The following CCSER1 variants were observed in gnomAD, a reference collection of about 807,000 sequenced individuals.
The protein encoded by CCSER1 is serine-rich coiled-coil domain-containing protein 1.
CCSER1 carries 41 observed loss-of-function variants against 82.0 expected under a neutral mutation model. The observed-to-expected ratio is 0.50, with a 90% CI of 0.39 to 0.65. The LOEUF is 0.65. Ranked by LOEUF, CCSER1 falls within the 30% of genes least tolerant of loss-of-function variation. The pLI, the probability that CCSER1 is intolerant of heterozygous loss-of-function variation, is 0.00. For synonymous variants in CCSER1, 414 were observed against 383.9 expected (o/e 1.08, Z -0.92); for missense variants, 1,119 against 1,064.2 (o/e 1.05, Z -0.72).
At chr4:91,299,768 T>A (rs1262629628) in intron 10 of CCSER1, among the ~76,000 whole-genome samples, 2 of 151,940 alleles carry the variant, frequency 1.3e-5, no homozygotes, top group African/African-American at 4.8e-5. Context: ...GCAGGGACTT[T>A]TTCTACCTGA....
intron 10 of CCSER1, among the ~76,000 whole-genome samples, chr4:91,419,470 C>T (rs1439485118): frequency 4.0e-5 from 6 of 151,842 alleles, no homozygotes; most frequent in Non-Finnish European, 7.4e-5. Context: ...ACAGTAGCAT[C>T]GACGATAACA....
chr4:90,305,443 A>G (rs1734087546), intron 1 of CCSER1, among the ~76,000 whole-genome samples: 1 of 152,208 alleles, frequency 6.6e-6, no homozygotes, highest in African/African-American at 2.4e-5. Flanking sequence ...GTTGTATATA[A>G]GTGAAAAATA....
At chr4:90,150,989 C>T (rs757239819) in intron 1 of CCSER1, among the ~76,000 whole-genome samples, 3 of 151,804 alleles carry the variant, frequency 2.0e-5, no homozygotes, top group African/African-American at 4.8e-5. Context: ...CTCACAAAAG[C>T]GAAGCATTTG....
At chr4:90,965,688 T>C (rs915404728) in intron 9 of CCSER1, among the ~76,000 whole-genome samples, 1 of 151,786 alleles carries the variant, frequency 6.6e-6, no homozygotes. Flanking sequence ...CAACAAGCCA[T>C]GTGAAAGAGA....
At chr4:90,409,066 G>A (rs1188108956) in intron 4 of CCSER1, among the ~76,000 whole-genome samples, 2 of 152,162 alleles carry the variant, frequency 1.3e-5, no homozygotes, top group Non-Finnish European at 2.9e-5. Flanking sequence ...AAAGTGAGAA[G>A]AGAAGTTTAG....
rs1452810118 is a variant in CCSER1 at position 90,190,577 on chromosome 4, A to G, written c.-42+62746A>G. On this transcript the variant is annotated intron_variant, in intron 1 of 10. Coordinates refer to ENST00000509176, the MANE Select transcript of CCSER1 (RefSeq NM_001145065.2). The stretch of plus-strand genomic sequence containing the variant: ...CATGGATTTGTGAATATTTGTATGT[A>G]TGTGAGCTTGATAACAAACATAAAT... 3.3e-5 allele frequency among the ~76,000 whole-genome samples: 5 copies of G among 152,236 alleles called. No homozygotes were observed. The South Asian group carries it at 8.3e-4, about 25-fold the overall frequency.
intron 4 of CCSER1, among the ~76,000 whole-genome samples, chr4:90,446,372 G>A (rs1047941192): frequency 1.3e-5 from 2 of 152,130 alleles, no homozygotes; most frequent in Non-Finnish European, 2.9e-5. Flanking sequence ...GCAAAGTGAA[G>A]CCCATTGAAT....
chr4:90,795,486 T>C (rs538019231), intron 7 of CCSER1, among the ~76,000 whole-genome samples: 16 of 152,266 alleles, frequency 1.1e-4, no homozygotes, highest in African/African-American at 3.9e-4. Context: ...TGTCCTTTAT[T>C]TCTTTCTCTT....
At chr4:90,149,895 G>C (rs138790639) in intron 1 of CCSER1, among the ~76,000 whole-genome samples, 18 of 152,186 alleles carry the variant, frequency 1.2e-4, no homozygotes, top group Non-Finnish European at 2.5e-4. Flanking sequence ...GTTTTTTGGA[G>C]TAAAATAATA....
At chr4:90,876,035 G>A (rs939578279) in intron 8 of CCSER1, among the ~76,000 whole-genome samples, 16 of 152,074 alleles carry the variant, frequency 1.1e-4, no homozygotes, top group African/African-American at 3.6e-4. Flanking sequence ...CTTTCATTGT[G>A]GTAGCCTTGC....
intron 1 of CCSER1, among the ~76,000 whole-genome samples, chr4:90,143,180 CA>C (rs1725125702): frequency 6.6e-6 from 1 of 152,052 alleles, no homozygotes; most frequent in African/African-American, 2.4e-5. Context: ...TTACTGCAAA[CA>C]TCAGTTCCAG....
At chr4:90,156,344 A>G (rs997333412) in intron 1 of CCSER1, among the ~76,000 whole-genome samples, 2 of 152,076 alleles carry the variant, frequency 1.3e-5, no homozygotes, top group Non-Finnish European at 2.9e-5. Flanking sequence ...AAAAATGTGT[A>G]TTCTGTTGAT....
chr4:90,134,814 A>C (rs1723385271), intron 1 of CCSER1, among the ~76,000 whole-genome samples: 1 of 152,220 alleles, frequency 6.6e-6, no homozygotes. Flanking sequence ...GGATTTAATC[A>C]GTGTTCACAT....
intron 3 of CCSER1, among the ~76,000 whole-genome samples, chr4:90,393,165 G>A (rs1367085862): frequency 6.6e-6 from 1 of 152,120 alleles, no homozygotes; most frequent in African/African-American, 2.4e-5. Context: ...CTGGGATAAT[G>A]TGATTTACTT....
chr4:91,524,509 C>G (rs190351244), intron 10 of CCSER1, among the ~76,000 whole-genome samples: 1 of 152,158 alleles, frequency 6.6e-6, no homozygotes, highest in Admixed American at 6.5e-5. Context: ...TTGGAGATTT[C>G]TCCACTGGTT....
intron 5 of CCSER1, among the ~76,000 whole-genome samples, chr4:90,591,517 T>C (rs564129153): frequency 6.6e-5 from 10 of 152,254 alleles, no homozygotes; most frequent in African/African-American, 2.2e-4. Flanking sequence ...ATGGCAATCA[T>C]TAAAAGTTAA....
At chr4:91,394,997 AT>A (rs1751882308) in intron 10 of CCSER1, among the ~76,000 whole-genome samples, 1 of 152,104 alleles carries the variant, frequency 6.6e-6, no homozygotes, top group African/African-American at 2.4e-5. Context: ...AATAGAATTA[AT>A]GCATGTAAAG....
chr4:90,559,809 CAAA>C (rs1236087772), intron 5 of CCSER1, among the ~76,000 whole-genome samples: 412 of 39,698 alleles, frequency 0.01, 5 homozygotes, highest in African/African-American at 0.031. Context: ...GACTCCGTCT[CAAA>C]AAAAAAAAAA....
rs571761941 is a variant in CCSER1 at position 90,799,473 on chromosome 4, C to A, written c.2011-16289C>A. Among the ~76,000 whole-genome samples, 6 of 152,164 alleles carry A rather than the reference C, an allele frequency of 3.9e-5. No individual in the cohort carries two copies. The South Asian group carries it at 1.2e-3, about 32-fold the overall frequency. ...AGAGAGTGTGCAGGCTGGTGTGTGGCCGTAGGCGTCGTGCCACTGGAGCTC... is the reference window on the plus strand; with the variant it reads ...AGAGAGTGTGCAGGCTGGTGTGTGGACGTAGGCGTCGTGCCACTGGAGCTC... On this transcript the variant is annotated intron_variant, in intron 7 of 10. Coordinates refer to ENST00000509176, the MANE Select transcript of CCSER1 (RefSeq NM_001145065.2).
Sources: allele counts gnomAD v4.1 joint callset (sites outside exome capture counted in the v4.1 genomes callset), GRCh38; gene constraint gnomAD v4.1.1; transcripts MANE v1.5; gene names NCBI Gene and HGNC (gene_info 2026-07-23, HGNC 2026-07-21).